NBEA: variants seen among roughly 807,000 people sequenced by gnomAD.
NBEA encodes the protein lysosomal-trafficking regulator 2.
Under a neutral mutation model 343.4 loss-of-function variants are expected in NBEA, and 44 were observed. The observed-to-expected ratio is 0.13, with a 90% confidence interval of 0.10 to 0.16. The LOEUF (loss-of-function observed/expected upper bound fraction) is 0.16. Ranked by LOEUF, NBEA falls within the 10% of genes least tolerant of loss-of-function variation. The probability of loss-of-function intolerance (pLI) is 1.00; values close to 1 mark genes in which losing one functional copy is unlikely to be tolerated. For synonymous variants in NBEA, 1,175 were observed against 1,238.7 expected, an observed-to-expected ratio of 0.95 and a Z score of 1.08; for missense variants, 2,555 against 3,631.3, an observed-to-expected ratio of 0.70 and a Z score of 7.62.
chr13:35,615,287 CAAAA>C (rs35687768), intron 48 of NBEA, among the ~76,000 whole-genome samples: 28,650 of 116,696 alleles, frequency 0.25, 2,955 homozygotes, highest in Non-Finnish European at 0.28. Flanking sequence ...GACCCTGTCT[CAAAA>C]AAAAAAAAAA....
At position 35,111,320 on chromosome 13, in the gene NBEA, A is replaced by G. The variant is rs192840967; in HGVS notation, c.2002+342A>G. Among the ~76,000 whole-genome samples, 377 of 152,118 alleles carry G rather than the reference A, an allele frequency of 2.5e-3. 3 individuals carry two copies. The highest frequency in any genetic ancestry group is 1.8e-3 in the Non-Finnish European group (125 of 67,954). The stretch of plus-strand genomic sequence containing the variant: ...CATCAGTTGCTTTCAACATTTTCAG[A>G]TTGTTAATTTTTTATATTTTATTCC... On this transcript the variant is annotated intron_variant, in intron 13 of 58. Transcript: ENST00000379939.
At chr13:35,468,388 C>G (rs2075490833) in intron 40 of NBEA, among the ~76,000 whole-genome samples, 1 of 152,150 alleles carries the variant, frequency 6.6e-6, no homozygotes. Context: ...ACTGTGCATA[C>G]CACAAAAATA....
At chr13:35,247,302 A>G (rs1199486030) in intron 34 of NBEA, among the ~76,000 whole-genome samples, 2 of 152,138 alleles carry the variant, frequency 1.3e-5, no homozygotes, top group African/African-American at 4.8e-5. Context: ...TCTGCCAGGA[A>G]ACTTCACATT....
intron 25 of NBEA, among the ~76,000 whole-genome samples, chr13:35,169,626 T>C (rs955813234): frequency 6.6e-6 from 1 of 151,676 alleles, no homozygotes; most frequent in African/African-American, 2.4e-5. Context: ...TTCAAAATGA[T>C]GAAGAATTTG....
At position 35,459,014 on chromosome 13, in the gene NBEA, CCCCCACA is replaced by C. The variant is rs1465575386; in HGVS notation, c.6448+6781_6448+6787del. ...ATATTTCTTTACCACCGCCCCCCCCCCCCCACACACACACACACACACACTTACCAAG... is the reference window on the plus strand; with the variant it reads ...ATATTTCTTTACCACCGCCCCCCCCCCACACACACACACACACTTACCAAG... On this transcript the variant is annotated intron_variant, in intron 40 of 58. Coordinates refer to ENST00000379939, the MANE Select transcript of NBEA (RefSeq NM_001385012.1). Among the ~76,000 whole-genome samples the C allele has an allele frequency of 2.6e-4, 32 of 122,966 alleles. 1 individual carries two copies. The highest frequency in any genetic ancestry group is 1.0e-3 in the African/African-American group (30 of 28,654). The allele number at this position is 122,966 out of a possible 152,430, so 80.7% of individuals were successfully genotyped here. A position where few individuals can be genotyped will look rare whatever the true frequency, so the allele number is the denominator to read the frequency against.
chr13:35,257,859 T>A (rs951647520), intron 34 of NBEA, among the ~76,000 whole-genome samples: 2 of 152,186 alleles, frequency 1.3e-5, no homozygotes, highest in Non-Finnish European at 2.9e-5. Flanking sequence ...AGGAAAATGC[T>A]CCAGTTTTTT....
At chr13:35,503,800 T>C (rs1239893866) in intron 41 of NBEA, among the ~76,000 whole-genome samples, 2 of 152,120 alleles carry the variant, frequency 1.3e-5, no homozygotes, top group Admixed American at 1.3e-4. Context: ...TTCTTATTTA[T>C]TTTTGTTAAC....
At chr13:35,067,153 T>A (rs1593238020) in intron 8 of NBEA, among the ~76,000 whole-genome samples, 1 of 152,162 alleles carries the variant, frequency 6.6e-6, no homozygotes, top group African/African-American at 2.4e-5. Context: ...CATATAATTG[T>A]GTCTTTTAAA....
At chr13:35,293,026 T>C (rs541123624) in intron 35 of NBEA, among the ~76,000 whole-genome samples, 1 of 152,122 alleles carries the variant, frequency 6.6e-6, no homozygotes, top group African/African-American at 2.4e-5. Flanking sequence ...ATTTTCATTT[T>C]GGAAATTTCC....
chr13:35,003,354 T>C (rs921320411), intron 1 of NBEA, among the ~76,000 whole-genome samples: 1 of 151,988 alleles, frequency 6.6e-6, no homozygotes, highest in Non-Finnish European at 1.5e-5. Context: ...GGCAACAGAA[T>C]GAGACCTCAT....
chr13:35,447,556 A>T (rs2046111565), intron 39 of NBEA, among the ~76,000 whole-genome samples: 1 of 152,110 alleles, frequency 6.6e-6, no homozygotes, highest in East Asian at 1.9e-4. Context: ...TTCTCACATG[A>T]TGTAGAAAAT....
intron 43 of NBEA, among the ~76,000 whole-genome samples, chr13:35,551,391 T>C (rs1011048162): frequency 1.3e-5 from 2 of 152,170 alleles, no homozygotes; most frequent in African/African-American, 4.8e-5. Flanking sequence ...AATAATGTTT[T>C]TATAAATGCC....
intron 41 of NBEA, among the ~76,000 whole-genome samples, chr13:35,539,645 G>A (rs1425873596): frequency 1.4e-5 from 2 of 138,264 alleles, no homozygotes; most frequent in African/African-American, 5.0e-5. Flanking sequence ...GGCCGGGCGG[G>A]GTGGCTCACG....
Position 35,411,421 on chromosome 13 carries a change from C to G in NBEA, c.6180-20848C>G, listed in dbSNP as rs544903140. ...ATGAATTGTTGTAGATGATTTGCCT[C>G]TGCCTCTGCAGGCTTCATCTTCAAC... On this transcript the variant is annotated intron_variant, in intron 38 of 58. Coordinates refer to ENST00000379939, the MANE Select transcript of NBEA (RefSeq NM_001385012.1). 1.9e-3 allele frequency among the ~76,000 whole-genome samples: 292 copies of G among 151,490 alleles called. 1 individual carries two copies. The highest frequency in any genetic ancestry group is 3.4e-3 in the Middle Eastern group (1 of 292).
chr13:35,337,171 A>G (rs968916084), intron 36 of NBEA, among the ~76,000 whole-genome samples: 37 of 152,272 alleles, frequency 2.4e-4, no homozygotes, highest in Non-Finnish European at 5.1e-4. Context: ...TAAATCAGTA[A>G]TTGCACTAAA....
chr13:35,135,009 G>A (rs1436277611), intron 17 of NBEA, among the ~76,000 whole-genome samples: 5 of 151,640 alleles, frequency 3.3e-5, no homozygotes, highest in African/African-American at 9.7e-5. Flanking sequence ...TCATTCATTC[G>A]GTTTTTCCCA....
chr13:35,471,945 C>T (rs970910261), intron 40 of NBEA, among the ~76,000 whole-genome samples: 2 of 152,084 alleles, frequency 1.3e-5, no homozygotes, highest in Non-Finnish European at 2.9e-5. Context: ...GATCCTTGCC[C>T]CCTTCTCGTC....
At chr13:35,527,561 C>T (rs781152883) in intron 41 of NBEA, among the ~76,000 whole-genome samples, 4 of 152,210 alleles carry the variant, frequency 2.6e-5, no homozygotes, top group Non-Finnish European at 2.9e-5. Flanking sequence ...CCCAAGGCGG[C>T]GGAGGGCTGG....
Position 35,068,933 on chromosome 13 carries a change from CT to C in NBEA, c.1240-973del, listed in dbSNP as rs1593242829. On this transcript the variant is annotated intron_variant, in intron 8 of 58. Coordinates refer to ENST00000379939, the MANE Select transcript of NBEA (RefSeq NM_001385012.1). Reference sequence around the variant, plus strand: ...GGAAGTCCCCATCTGGCCCAATTCACTTATATGCATATCTGTATGCCTCCCG... The same window carrying C: ...GGAAGTCCCCATCTGGCCCAATTCACTATATGCATATCTGTATGCCTCCCG... Among the ~76,000 whole-genome samples the C allele has an allele frequency of 2.6e-5, 4 of 152,102 alleles. No homozygotes were observed. The South Asian group carries it at 8.3e-4, about 32-fold the overall frequency.
Sources: allele counts gnomAD v4.1 joint callset (sites outside exome capture counted in the v4.1 genomes callset), GRCh38; gene constraint gnomAD v4.1.1; transcripts MANE v1.5; gene names NCBI Gene and HGNC (gene_info 2026-07-23, HGNC 2026-07-21).